The following TNC variants were observed in gnomAD, a reference collection of about 807,000 sequenced individuals.
The protein encoded by TNC is tenascin C.
In TNC, 109 loss-of-function variants were observed where a neutral mutation model predicts 202.4. That is an observed-to-expected ratio of 0.54 (90% CI 0.46 to 0.63). The LOEUF is 0.63. Ranked by LOEUF, TNC falls within the 30% of genes least tolerant of loss-of-function variation. The pLI, the probability that TNC is intolerant of heterozygous loss-of-function variation, is 0.00. For missense variants in TNC, 2,756 were observed against 2,833.3 expected (o/e 0.97, Z 0.62); for synonymous variants, 1,007 against 1,089.7 (o/e 0.92, Z 1.50).
chr9:115,084,899 G>A (rs1588157967), intron 3 of TNC, among the ~76,000 whole-genome samples: 1 of 152,136 alleles, frequency 6.6e-6, no homozygotes, highest in Admixed American at 6.5e-5. Flanking sequence ...AAGACAGAAC[G>A]CCTTGACCAA....
chr9:115,030,178 C>G lies in TNC; in HGVS notation c.6072+76G>C, dbSNP rs914872289. ...TCAGAGTGCATCAGGAGGAGATCAC[C>G]CTCTTCTCCTCCCCTGCTTTGCCCT... is the stretch of plus-strand genomic sequence containing the variant. On this transcript the variant is annotated intron_variant, in intron 24 of 27. Coordinates refer to ENST00000350763, the MANE Select transcript of TNC (RefSeq NM_002160.4). 2.1e-6 allele frequency: 3 copies of G among 1,423,892 alleles called. No individual in the cohort carries two copies. In the African/African-American group the frequency reaches 4.2e-5, roughly 20 times the overall value. 88.2% of individuals were successfully genotyped at this position (1,423,892 alleles called of 1,614,324 possible).
At chr9:115,117,763 A>G (rs1294822648) in intron 1 of TNC, among the ~76,000 whole-genome samples, 1 of 152,214 alleles carries the variant, frequency 6.6e-6, no homozygotes, top group African/African-American at 2.4e-5. Context: ...AGTTCCTTCC[A>G]AGTCTGACTA....
Position 115,035,218 on chromosome 9 carries a change from C to T in TNC, c.5773G>A (p.Asp1925Asn). ...TGYLLVYESVDGTVKEVIVGP... is the reference protein window; with the variant it reads ...TGYLLVYESVNGTVKEVIVGP... The stretch of plus-strand genomic sequence containing the variant: ...ACTTAAAATACCTTGACTGTGCCAT[C>T]CACTGATTCATAGACCAGCAGGTAA... Residue 1925 changes from aspartate (D) to asparagine (N), a missense_variant, in exon 22 of 28, where the codon GAT becomes AAT. By Grantham distance (23) the Asp-to-Asn change is conservative. Coordinates refer to ENST00000350763, the MANE Select transcript of TNC (RefSeq NM_002160.4). The T allele has an allele frequency of 6.2e-7, 1 of 1,612,052 alleles. No individual in the cohort carries two copies. Among genetic ancestry groups the T allele is most frequent in the Non-Finnish European group, 8.5e-7 (1 of 1,179,192 alleles).
intron 20 of TNC, among the ~76,000 whole-genome samples, chr9:115,036,530 G>A (rs1298582297): frequency 2.0e-5 from 3 of 152,250 alleles, no homozygotes; most frequent in South Asian, 2.1e-4. Context: ...GGCTGGAATC[G>A]CTTTGCCACT....
At chr9:115,055,583 C>G (rs553104309) in intron 15 of TNC, 3 of 152,538 alleles carry the variant, frequency 2.0e-5, no homozygotes, top group Admixed American at 6.5e-5. Context: ...GACAGAGCTG[C>G]GAGACACCCC....
Position 115,076,594 on chromosome 9 carries a change from A to T in TNC, c.2675-19T>A. On this transcript the variant is annotated intron_variant, in intron 7 of 27. Transcript: ENST00000350763. ...TCGAGGCCTGTTTGAGAGAAGGAAC[A>T]TTTGTATTGAACATATCAGTCACAA... 1.2e-6 allele frequency: 2 copies of T among 1,613,094 alleles called. No homozygotes were observed. The highest frequency in any genetic ancestry group is 8.5e-7 in the Non-Finnish European group (1 of 1,179,430).
At position 115,023,961 on chromosome 9, in the gene TNC, C is replaced by G. The variant is rs372583048; in HGVS notation, c.6495+12G>C. The G allele has an allele frequency of 5.6e-6, 9 of 1,611,306 alleles. No homozygotes were observed. Among genetic ancestry groups the G allele is most frequent in the Non-Finnish European group, 7.6e-6 (9 of 1,177,874 alleles). ...AAGCTTGGCCTGCTCTGGGCCCTCA[C>G]GGTCCACTCACCTGACTGTGGTTAT... is the stretch of plus-strand genomic sequence containing the variant. On this transcript the variant is annotated intron_variant, in intron 27 of 27. Transcript: ENST00000350763.
intron 1 of TNC, among the ~76,000 whole-genome samples, chr9:115,104,707 T>G (rs1478275886): frequency 6.6e-6 from 1 of 152,156 alleles, no homozygotes; most frequent in African/African-American, 2.4e-5. Flanking sequence ...CCTTTTCCTG[T>G]CTCCCTTTAT....
In TNC at chr9:115,035,284, C is replaced by T; in HGVS notation, c.5707G>A (p.Ala1903Thr). ...LTATEVQSET[A>T]LLTWRPPRAS... is the part of the protein sequence containing the mutation. ...CGGGGGGGTCGCCAGGTAAGGAGGG[C>T]AGTTTCCGACTGAACCTCAGTAGCA... The change falls in exon 22 of 28, where the codon GCC becomes ACC. Residue 1903 changes from alanine to threonine, a missense_variant. Physicochemically the swap from Ala to Thr is moderately conservative, Grantham distance 58. Around this residue, in one of 2 missense-constraint regions of TNC, gnomAD observed 2,559 missense variants for 2,546.0 expected, o/e 1.01. Coordinates refer to ENST00000350763, the MANE Select transcript of TNC (RefSeq NM_002160.4). 11 of 1,613,368 alleles carry T rather than the reference C, an allele frequency of 6.8e-6. No homozygotes were observed. Among genetic ancestry groups the T allele is most frequent in the Non-Finnish European group, 8.5e-6 (10 of 1,179,666 alleles).
chr9:115,035,963 T>C, intron 21 of TNC, 135 bp downstream of exon 21: 1 of 1,040,856 alleles, frequency 9.6e-7, no homozygotes, highest in Non-Finnish European at 1.4e-6. Context: ...CTGGTGAATT[T>C]AAGTGATGCT....
chr9:115,065,770 C>T (rs970059138), intron 10 of TNC, among the ~76,000 whole-genome samples: 6 of 151,470 alleles, frequency 4.0e-5, no homozygotes, highest in Admixed American at 6.6e-5. Context: ...GGTGTGGTGG[C>T]GTGAGCCTGT....
intron 3 of TNC, among the ~76,000 whole-genome samples, chr9:115,084,948 C>G (rs775236180): frequency 2.0e-5 from 3 of 152,178 alleles, no homozygotes; most frequent in Non-Finnish European, 4.4e-5. Context: ...TGTATCTCCT[C>G]CCTGCCAGCC....
intron 9 of TNC, among the ~76,000 whole-genome samples, chr9:115,074,881 A>AGTT (rs1314927042): frequency 6.6e-6 from 1 of 152,190 alleles, no homozygotes; most frequent in Non-Finnish European, 1.5e-5. Flanking sequence ...TCAATTTCTC[A>AGTT]GTTGTTATAT....
In TNC at chr9:115,064,712, G is replaced by C. The variant is rs902542769; in HGVS notation, c.3422C>G (p.Thr1141Arg). 1 of 1,614,112 alleles carries C rather than the reference G, an allele frequency of 6.2e-7. No individual in the cohort carries two copies. Among genetic ancestry groups the C allele is most frequent in the Non-Finnish European group, 8.5e-7 (1 of 1,180,042 alleles). Residue 1141 changes from threonine to arginine, a missense_variant, in exon 11 of 28, where the codon ACA becomes AGA. Thr to Arg is a moderately conservative substitution (Grantham distance 71). Around this residue, in one of 2 missense-constraint regions of TNC, gnomAD observed 2,559 missense variants for 2,546.0 expected, o/e 1.01. Transcript: ENST00000350763. ...CTGGATCACCCCATAGATGGAGACT[G>C]TATAAGGCGTAGCAGCCTTGAGGCC... ...IPGLKAATPY[T>R]VSIYGVIQGY...
intron 22 of TNC, among the ~76,000 whole-genome samples, chr9:115,033,812 G>C (rs1444395026): frequency 6.6e-6 from 1 of 152,242 alleles, no homozygotes; most frequent in African/African-American, 2.4e-5. Context: ...AGGTGTGCCA[G>C]AAACTTGGTA....
chr9:115,057,270 C>T lies in TNC; in HGVS notation c.4462G>A (p.Gly1488Ser), dbSNP rs1832202105. The T allele has an allele frequency of 1.9e-6, 3 of 1,614,090 alleles. No individual in the cohort carries two copies. The highest frequency in any genetic ancestry group is 2.2e-5 in the East Asian group (1 of 44,878). ...GAGATATGGGCAGTTCGTTCAGCAC[C>T]AGAGATATTATATTCCACAGTCTCC... ...LLETVEYNIS[G>S]AERTAHISGL... Residue 1488 changes from glycine (G) to serine (S), a missense_variant, in exon 15 of 28, where the codon GGT (glycine) becomes AGT (serine). By Grantham distance (56) the Gly-to-Ser change is moderately conservative. Coordinates refer to ENST00000350763, the MANE Select transcript of TNC (RefSeq NM_002160.4).
At chr9:115,040,327 G>A (rs949941021) in intron 19 of TNC, among the ~76,000 whole-genome samples, 2 of 152,202 alleles carry the variant, frequency 1.3e-5, no homozygotes, top group African/African-American at 4.8e-5. Flanking sequence ...TAAATGTGAA[G>A]GGTTTAGTAA....
At chr9:115,101,640 A>G (rs1330633948) in intron 1 of TNC, among the ~76,000 whole-genome samples, 2 of 152,242 alleles carry the variant, frequency 1.3e-5, no homozygotes, top group African/African-American at 4.8e-5. Context: ...CATTCTTTCA[A>G]GAGCGAAATG....
chr9:115,033,007 G>A (rs1034526734), intron 22 of TNC, among the ~76,000 whole-genome samples: 2 of 152,166 alleles, frequency 1.3e-5, no homozygotes, highest in Non-Finnish European at 2.9e-5. Flanking sequence ...GCTTAGTTTG[G>A]GCAGTCATGC....
Sources: gnomAD v4.1 joint callset for allele counts (sites outside exome capture counted in the v4.1 genomes callset) on GRCh38, gnomAD v4.1.1 for gene constraint, gnomAD v4.1.1 regional missense constraint, MANE v1.5 for transcripts, NCBI Gene and HGNC (gene_info 2026-07-23, HGNC 2026-07-21) for gene names.